Variants in RBM4 observed in about 807,000 individuals in gnomAD.
RBM4 encodes RNA-binding protein 4.
A neutral mutation model predicts 29.5 loss-of-function variants in RBM4; 7 were observed. The observed-to-expected ratio is 0.24, with a 90% CI of 0.14 to 0.45. RBM4 has a LOEUF of 0.45. Among genes scored for constraint, RBM4 ranks in the 20% least tolerant of loss-of-function variants. The pLI, the probability that RBM4 is intolerant of heterozygous loss-of-function variation, is 1.00. For synonymous variants in RBM4, 220 were observed against 205.4 expected, an observed-to-expected ratio of 1.07 and a Z score of -0.61; for missense variants, 387 against 502.3, an observed-to-expected ratio of 0.77 and a Z score of 2.19.
At chr11:66,660,370 TGA>T (rs1939051436) in intron 2 of RBM4, among the ~76,000 whole-genome samples, 3 of 149,536 alleles carry the variant, frequency 2.0e-5, no homozygotes, top group African/African-American at 7.3e-5. Flanking sequence ...TTTTTTTTTT[TGA>T]GACAGAGTCT....
chr11:66,666,102 C>G (rs1388418382), exon 3 of RBM4: 2 of 841,194 alleles, frequency 2.4e-6, no homozygotes, highest in Non-Finnish European at 3.6e-6. Context: ...TTCCAACACA[C>G]CTACATGTCA....
intron 2 of RBM4, among the ~76,000 whole-genome samples, chr11:66,656,754 G>A (rs187312380): frequency 6.6e-6 from 1 of 152,102 alleles, no homozygotes; most frequent in Admixed American, 6.6e-5. Flanking sequence ...TCCACCTCCC[G>A]GGTTCAAGCG....
chr11:66,645,936 A>G (rs1489034762), intron 3 of RBM4, 91 bp from the exon 4 acceptor site: 2 of 1,532,404 alleles, frequency 1.3e-6, no homozygotes, highest in East Asian at 2.4e-5. Context: ...AGGAGTGTCA[A>G]GTTATCAGAC....
intron 1 of RBM4, 172 bp from the exon 2 acceptor site, chr11:66,639,528 A>G: frequency 3.8e-6 from 3 of 792,194 alleles, no homozygotes; most frequent in Non-Finnish European, 5.9e-6. Flanking sequence ...CATGGCGGCT[A>G]CTATAGCAGG....
intron 3 of RBM4, chr11:66,644,525 A>G: frequency 3.3e-6 from 1 of 300,462 alleles, no homozygotes; most frequent in Non-Finnish European, 5.1e-6. Flanking sequence ...CGTGTGCGAC[A>G]TTCCTAAGGT....
intron 2 of RBM4, among the ~76,000 whole-genome samples, chr11:66,661,948 T>C (rs1358247946): frequency 6.6e-6 from 1 of 152,148 alleles, no homozygotes; most frequent in African/African-American, 2.4e-5. Flanking sequence ...GAGAATTGCT[T>C]GAACCTGGGA....
At chr11:66,650,319 C>T (rs1008090165), downstream of RBM4, among the ~76,000 whole-genome samples, 3 of 152,254 alleles carry the variant, frequency 2.0e-5, no homozygotes, top group East Asian at 1.9e-4. Context: ...CCTGTAATCC[C>T]AGCACTTTGG....
chr11:66,645,597 A>C (rs532241127), intron 3 of RBM4, among the ~76,000 whole-genome samples: 1 of 152,200 alleles, frequency 6.6e-6, no homozygotes, highest in African/African-American at 2.4e-5. Context: ...AATGATTTTT[A>C]ACTCGGACCT....
intron 3 of RBM4, chr11:66,644,382 C>T: frequency 1.9e-6 from 1 of 539,728 alleles, no homozygotes; most frequent in African/African-American, 1.9e-5. Flanking sequence ...CTATTTGTGC[C>T]TAGAAAAATA....
At chr11:66,660,290 C>T (rs903325037) in intron 2 of RBM4, among the ~76,000 whole-genome samples, 27 of 151,698 alleles carry the variant, frequency 1.8e-4, no homozygotes, top group African/African-American at 5.8e-4. Context: ...TGCCATTGGA[C>T]CCATTTTGTG....
chr11:66,643,527 C>G lies in RBM4; in HGVS notation c.490C>G (p.Arg164Gly), dbSNP rs1431308409. The G allele has an allele frequency of 6.2e-7, 1 of 1,614,104 alleles. No individual in the cohort carries two copies. Among genetic ancestry groups the G allele is most frequent in the Non-Finnish European group, 8.5e-7 (1 of 1,180,034 alleles). Residue 164 changes from arginine (R) to glycine (G), a missense_variant, in exon 3 of 4, where the codon CGG (arginine) becomes GGG (glycine). This residue lies in a region of RBM4 where 281 missense variants were observed against 288.7 expected (regional missense o/e 0.97). Coordinates refer to ENST00000310092, the MANE Select transcript of RBM4 (RefSeq NM_002896.4). The surrounding 1 kb of genome is among the most constrained non-coding windows in gnomAD (Gnocchi z 6.1). The stretch of plus-strand genomic sequence containing the variant: ...GATGGGAGACCAGAGCGGCTGCTAT[C>G]GGTGCGGGAAAGAGGGGCACTGGTC... ...PGMGDQSGCY[R>G]CGKEGHWSKE... is the part of the protein sequence containing the mutation.
intron 2 of RBM4, among the ~76,000 whole-genome samples, chr11:66,642,050 A>G (rs910772862): frequency 6.6e-6 from 1 of 152,220 alleles, no homozygotes; most frequent in Non-Finnish European, 1.5e-5. Flanking sequence ...GCCAGAGACA[A>G]GCTAGCACTT....
chr11:66,660,326 C>G (rs886407343), intron 2 of RBM4, among the ~76,000 whole-genome samples: 1 of 130,490 alleles, frequency 7.7e-6, no homozygotes, highest in Non-Finnish European at 1.7e-5. Context: ...ATCACAATTT[C>G]TTTTTTTTTG....
In RBM4 at chr11:66,643,584, G is replaced by A. The variant is rs761341134; in HGVS notation, c.547G>A (p.Val183Met). The change falls in exon 3 of 4, where the codon GTG (valine) becomes ATG (methionine). Residue 183 changes from valine to methionine, a missense_variant. By Grantham distance (21) the Val-to-Met change is conservative. Coordinates refer to ENST00000310092, the MANE Select transcript of RBM4 (RefSeq NM_002896.4). This position sits in a 1 kb window ranked among gnomAD's most constrained non-coding sequence, Gnocchi z 6.1. Reference sequence around the variant, plus strand: ...GTGTCCGATAGATCGTTCAGGCCGCGTGGCAGACTTGACCGAGCAATATAA... The same window carrying A: ...GTGTCCGATAGATCGTTCAGGCCGCATGGCAGACTTGACCGAGCAATATAA... ...KECPIDRSGR[V>M]ADLTEQYNEQ... 5.6e-6 allele frequency: 9 copies of A among 1,614,172 alleles called. No homozygotes were observed. The highest frequency in any genetic ancestry group is 6.8e-6 in the Non-Finnish European group (8 of 1,180,022).
chr11:66,648,612 C>T (rs561365852), downstream of RBM4, among the ~76,000 whole-genome samples: 15 of 151,956 alleles, frequency 9.9e-5, no homozygotes, highest in Admixed American at 7.2e-4. Flanking sequence ...ATCAGGAGTT[C>T]GAGACCAGCC....
Position 66,657,448 on chromosome 11 carries a change from C to T in RBM4, c.413-8408C>T, listed in dbSNP as rs567749883. On this transcript the variant is annotated intron_variant, in intron 2 of 2. Coordinates refer to the RBM4 transcript ENST00000396053. Reference sequence around the variant, plus strand: ...CTGTAATCCCGGCACTTTGGGAGGCCGAGGGGGTGGATCACTTGAGGTCAG... The same window carrying T: ...CTGTAATCCCGGCACTTTGGGAGGCTGAGGGGGTGGATCACTTGAGGTCAG... Among the ~76,000 whole-genome samples, 11 of 151,628 alleles carry T rather than the reference C, an allele frequency of 7.3e-5. No individual in the cohort carries two copies. In the South Asian group the frequency reaches 2.3e-3, roughly 32 times the overall value.
chr11:66,665,550 C>A (rs1939192910), intron 2 of RBM4: 7 of 1,523,970 alleles, frequency 4.6e-6, no homozygotes, highest in Non-Finnish European at 6.2e-6. Flanking sequence ...ATGACCGCAG[C>A]CCGAGGGTTC....
In RBM4 at chr11:66,658,567, T is replaced by C. The variant is rs139765660; in HGVS notation, c.413-7289T>C. Among the ~76,000 whole-genome samples, 176 of 152,094 alleles carry C rather than the reference T, an allele frequency of 1.2e-3. 1 individual carries two copies. Among genetic ancestry groups the C allele is most frequent in the East Asian group, 9.7e-3 (50 of 5,168 alleles). ...TTCATTGCTTTGGCTTTGTATACCA[T>C]ATGGAGTTGTGCTGTTCAGTGTGGT... On this transcript the variant is annotated intron_variant, in intron 2 of 2. Transcript: ENST00000396053.
chr11:66,649,698 GAAT>G (rs1475588193), downstream of RBM4: 11 of 699,784 alleles, frequency 1.6e-5, no homozygotes, highest in Non-Finnish European at 2.6e-5. Flanking sequence ...CACTCCTTAG[GAAT>G]AATAAAGTAC....
Sources: gnomAD v4.1 joint callset for allele counts (sites outside exome capture counted in the v4.1 genomes callset) on GRCh38, gnomAD v4.1.1 for gene constraint, gnomAD v4.1.1 regional missense constraint, Gnocchi (gnomAD v3.1) non-coding constraint, MANE v1.5 for transcripts, NCBI Gene and HGNC (gene_info 2026-07-23, HGNC 2026-07-21) for gene names.